SAMD12: variants seen among roughly 807,000 people sequenced by gnomAD.
The protein encoded by SAMD12 is sterile alpha motif domain containing 12.
Under a neutral mutation model 15.0 loss-of-function variants are expected in SAMD12, and 9 were observed. That is an observed-to-expected ratio of 0.60 (90% CI 0.36 to 1.05). SAMD12 has a LOEUF of 1.05. SAMD12 is among the 50% of genes least tolerant of loss of function. SAMD12 has a pLI of 0.01. For synonymous variants in SAMD12, 86 were observed against 90.1 expected, an observed-to-expected ratio of 0.96 and a Z score of 0.25; for missense variants, 230 against 234.2, an observed-to-expected ratio of 0.98 and a Z score of 0.12.
At chr8:118,238,079 C>T (rs1273247271) in intron 4 of SAMD12, among the ~76,000 whole-genome samples, 1 of 152,138 alleles carries the variant, frequency 6.6e-6, no homozygotes, top group African/African-American at 2.4e-5. Context: ...CACAAGAGCT[C>T]TCTAAAGAGA....
rs374370070 is a variant in SAMD12 at position 118,217,951 on chromosome 8, C to T, written c.434-20219G>A. On this transcript the variant is annotated intron_variant, in intron 4 of 4. Coordinates refer to the SAMD12 transcript ENST00000409003. Reference sequence around the variant, plus strand: ...CCAATCCTGCCTGTTATTTGAGGTCCAAATTCTCCATGGTGCCTCACCATG... The same window carrying T: ...CCAATCCTGCCTGTTATTTGAGGTCTAAATTCTCCATGGTGCCTCACCATG... Among the ~76,000 whole-genome samples, 10 of 152,234 alleles carry T rather than the reference C, an allele frequency of 6.6e-5. No individual in the cohort carries two copies. In the East Asian group the frequency reaches 1.4e-3, roughly 21 times the overall value.
At chr8:118,137,057 A>T in the SAMD12 span, among the ~76,000 whole-genome samples, 1 of 152,218 alleles carries the variant, frequency 6.6e-6, no homozygotes, top group East Asian at 1.9e-4. Context: ...AGTCATTGAA[A>T]ATGAAAGCAC....
chr8:118,406,343 G>A (rs1000897708), intron 3 of SAMD12, among the ~76,000 whole-genome samples: 16 of 151,974 alleles, frequency 1.1e-4, no homozygotes, highest in African/African-American at 3.4e-4. Context: ...GTGCGATCTC[G>A]CCTCACTGCA....
the SAMD12 span, among the ~76,000 whole-genome samples, chr8:118,154,240 T>C: frequency 6.6e-6 from 1 of 152,120 alleles, no homozygotes; most frequent in Non-Finnish European, 1.5e-5. Flanking sequence ...GGCTCCCTTT[T>C]CAGCGTCATT....
chr8:118,615,641 C>T (rs936589742), intron 1 of SAMD12, among the ~76,000 whole-genome samples: 3 of 152,198 alleles, frequency 2.0e-5, no homozygotes, highest in African/African-American at 7.2e-5. Context: ...ATCCCCAGCT[C>T]CCCCTACCCT....
At chr8:118,464,973 T>C (rs181675956) in intron 2 of SAMD12, among the ~76,000 whole-genome samples, 150 of 152,248 alleles carry the variant, frequency 9.9e-4, no homozygotes, top group Middle Eastern at 3.4e-3. Flanking sequence ...CTTTGTGGAG[T>C]TGAAGCAGAG....
chr8:118,534,449 C>T (rs892022394), intron 2 of SAMD12, among the ~76,000 whole-genome samples: 1 of 152,070 alleles, frequency 6.6e-6, no homozygotes, highest in Non-Finnish European at 1.5e-5. Flanking sequence ...AGGAGTATCT[C>T]TGTGGTGTTC....
At chr8:118,553,876 A>T (rs1024665946) in intron 2 of SAMD12, among the ~76,000 whole-genome samples, 2 of 150,082 alleles carry the variant, frequency 1.3e-5, no homozygotes. Flanking sequence ...GGCGAAGGAC[A>T]TGAACAGACA....
the SAMD12 span, among the ~76,000 whole-genome samples, chr8:118,175,324 T>G: frequency 6.6e-6 from 1 of 152,192 alleles, no homozygotes; most frequent in Non-Finnish European, 1.5e-5. Context: ...CCCCTAGTTT[T>G]ACCATATATG....
rs1273798433 is a variant in SAMD12, at chr8:118,508,897, TACA to T, written c.193-68939_193-68937del. Among the ~76,000 whole-genome samples the T allele has an allele frequency of 4.0e-5, 6 of 151,550 alleles. No homozygotes were observed. The East Asian group carries it at 1.2e-3, about 29-fold the overall frequency. On this transcript the variant is annotated intron_variant, in intron 2 of 3. Transcript: ENST00000314727. ...AACACTAAAAATGGAACTTTAATGT[TACA>T]ACATGATTGAGAGTCTGGTATCATA...
At chr8:118,456,610 C>T (rs766655971) in intron 2 of SAMD12, among the ~76,000 whole-genome samples, 3 of 152,136 alleles carry the variant, frequency 2.0e-5, no homozygotes, top group Non-Finnish European at 4.4e-5. Context: ...TATAGTAGAG[C>T]AGGGTTTTCA....
chr8:118,482,061 T>C (rs2515032), intron 2 of SAMD12, among the ~76,000 whole-genome samples: 49,425 of 152,086 alleles, frequency 0.32, 8,167 homozygotes, highest in East Asian at 0.42. Context: ...CCAGGCAGTA[T>C]TACTCCTCAA....
At chr8:118,410,053 TAAG>T (rs145758699) in intron 3 of SAMD12, among the ~76,000 whole-genome samples, 21,630 of 152,150 alleles carry the variant, frequency 0.14, 1,747 homozygotes, top group Middle Eastern at 0.18. Flanking sequence ...GCAAGATATT[TAAG>T]AATATTTTGT....
intron 2 of SAMD12, among the ~76,000 whole-genome samples, chr8:118,449,511 G>C (rs1352262374): frequency 6.6e-6 from 1 of 151,636 alleles, no homozygotes; most frequent in Non-Finnish European, 1.5e-5. Context: ...CATAGGAAGA[G>C]GACAAAAGTG....
At chr8:118,191,489 C>T (rs1460171329) in exon 5 of SAMD12, 2 of 151,700 alleles carry the variant, frequency 1.3e-5, no homozygotes, top group African/African-American at 4.8e-5. Flanking sequence ...AGCATTCAAA[C>T]ATGAATTTCC....
At chr8:118,350,582 CTTAA>C (rs759487717) in intron 4 of SAMD12, among the ~76,000 whole-genome samples, 5 of 152,238 alleles carry the variant, frequency 3.3e-5, no homozygotes, top group Admixed American at 6.5e-5. Context: ...TGCCACAGAG[CTTAA>C]TTATTACTAA....
intron 3 of SAMD12, among the ~76,000 whole-genome samples, chr8:118,438,710 G>C (rs1473129122): frequency 6.6e-6 from 1 of 152,148 alleles, no homozygotes; most frequent in Non-Finnish European, 1.5e-5. Context: ...AAAGTAATAG[G>C]AGTGAACAGA....
intron 2 of SAMD12, among the ~76,000 whole-genome samples, chr8:118,521,292 AAC>A (rs1477356920): frequency 6.6e-6 from 1 of 152,156 alleles, no homozygotes; most frequent in Admixed American, 6.5e-5. Context: ...AAGCTCTTTT[AAC>A]ACTGGCTGCC....
chr8:118,435,219 C>T (rs981366302), intron 3 of SAMD12, among the ~76,000 whole-genome samples: 5 of 151,982 alleles, frequency 3.3e-5, no homozygotes, highest in Admixed American at 3.3e-4. Flanking sequence ...CAATTGTGGT[C>T]TGAAAAGTAG....
Sources: gnomAD v4.1 joint callset for allele counts (sites outside exome capture counted in the v4.1 genomes callset) on GRCh38, gnomAD v4.1.1 for gene constraint, MANE v1.5 for transcripts, NCBI Gene and HGNC (gene_info 2026-07-23, HGNC 2026-07-21) for gene names.